Variants in VRK2 observed in about 807,000 individuals in gnomAD.
VRK2 encodes serine/threonine-protein kinase VRK2.
In VRK2, 60 loss-of-function variants were observed where a neutral mutation model predicts 57.6. The ratio of observed to expected loss-of-function variants is 1.04; its 90% confidence interval spans 0.85 to 1.29. The LOEUF (loss-of-function observed/expected upper bound fraction) is 1.29, where lower values mean the gene tolerates loss of function less well. Among genes scored for constraint, VRK2 ranks in the 50% most tolerant of loss-of-function variants. The pLI is 0.00. For missense variants in VRK2, 705 were observed against 588.1 expected (o/e 1.20, Z -2.06); for synonymous variants, 231 against 199.2 (o/e 1.16, Z -1.35).
At chr2:57,997,054 A>T (rs1182651053) in intron 1 of VRK2, among the ~76,000 whole-genome samples, 2 of 152,178 alleles carry the variant, frequency 1.3e-5, no homozygotes, top group East Asian at 3.9e-4. Flanking sequence ...ATATAAAAGA[A>T]AAACAAAAAC....
At chr2:57,929,305 A>C (rs1007143266) in intron 1 of VRK2, among the ~76,000 whole-genome samples, 26 of 151,972 alleles carry the variant, frequency 1.7e-4, no homozygotes, top group Admixed American at 1.7e-3. Flanking sequence ...TCCCCTTTCC[A>C]TAAGCAAAGC....
intron 10 of VRK2, among the ~76,000 whole-genome samples, chr2:58,136,029 A>T (rs1405781529): frequency 6.6e-6 from 1 of 152,144 alleles, no homozygotes; most frequent in East Asian, 1.9e-4. Flanking sequence ...ATGTACACTG[A>T]CCTCTCTAGC....
intron 2 of VRK2, among the ~76,000 whole-genome samples, chr2:58,067,677 A>G (rs1668789644): frequency 6.6e-6 from 1 of 152,002 alleles, no homozygotes; most frequent in African/African-American, 2.4e-5. Context: ...AGATTTTTAA[A>G]TATTGTGGTT....
At chr2:58,152,863 T>C (rs1430292885) in intron 12 of VRK2, among the ~76,000 whole-genome samples, 1 of 151,974 alleles carries the variant, frequency 6.6e-6, no homozygotes, top group Non-Finnish European at 1.5e-5. Context: ...AACCATAATA[T>C]AATTTTACAA....
chr2:58,106,113 T>C (rs942960480), intron 7 of VRK2, among the ~76,000 whole-genome samples: 2 of 152,000 alleles, frequency 1.3e-5, no homozygotes, highest in Non-Finnish European at 2.9e-5. Context: ...TTAATTTTGT[T>C]AATATACACA....
chr2:57,958,437 GTATA>G (rs575284884), intron 1 of VRK2, among the ~76,000 whole-genome samples: 1 of 143,288 alleles, frequency 7.0e-6, no homozygotes, highest in East Asian at 2.0e-4. Flanking sequence ...GTATATACAT[GTATA>G]TATATTTGTA....
chr2:57,977,631 G>A (rs898029279), intron 1 of VRK2, among the ~76,000 whole-genome samples: 3 of 149,344 alleles, frequency 2.0e-5, no homozygotes, highest in African/African-American at 5.2e-5. Flanking sequence ...AGTCTATGAC[G>A]TTTTCTACAT....
intron 1 of VRK2, among the ~76,000 whole-genome samples, chr2:57,996,101 G>A (rs72808494): frequency 0.12 from 18,465 of 152,182 alleles, 1,196 homozygotes; most frequent in East Asian, 0.19. Context: ...TACGGGTGAT[G>A]TGCATAAGTT....
chr2:57,932,727 T>C (rs1670769596), intron 1 of VRK2, among the ~76,000 whole-genome samples: 1 of 152,130 alleles, frequency 6.6e-6, no homozygotes, highest in Non-Finnish European at 1.5e-5. Flanking sequence ...TCTACTAACT[T>C]TGGGCTTAGA....
intron 1 of VRK2, among the ~76,000 whole-genome samples, chr2:57,971,894 A>T (rs561951373): frequency 8.6e-5 from 13 of 152,042 alleles, no homozygotes; most frequent in African/African-American, 3.1e-4. Context: ...TAAGATTTTT[A>T]AAAATTATTA....
chr2:58,137,837 C>G (rs1189033802), intron 10 of VRK2, among the ~76,000 whole-genome samples: 2 of 152,062 alleles, frequency 1.3e-5, no homozygotes, highest in Non-Finnish European at 2.9e-5. Flanking sequence ...TGGCAATATG[C>G]TAGTAAATTT....
intron 4 of VRK2, 109 bp downstream of exon 4, chr2:58,085,059 T>G (rs1392388393): frequency 4.0e-6 from 4 of 1,010,660 alleles, no homozygotes; most frequent in Non-Finnish European, 5.6e-6. Flanking sequence ...CAATAGAAAT[T>G]TTATTGTAAA....
intron 1 of VRK2, among the ~76,000 whole-genome samples, chr2:57,964,336 G>A (rs568455933): frequency 5.3e-5 from 8 of 152,164 alleles, no homozygotes; most frequent in East Asian, 1.9e-4. Context: ...TTCGTTCAGC[G>A]AACATGGATC....
At chr2:58,046,543 T>G, upstream of VRK2, 1 of 985,568 alleles carries the variant, frequency 1.0e-6, no homozygotes, top group South Asian at 4.7e-5. Flanking sequence ...CTGGCGGCGG[T>G]TCTTCGTCCA....
chr2:57,952,987 T>C (rs1187794865), intron 1 of VRK2, among the ~76,000 whole-genome samples: 1 of 152,192 alleles, frequency 6.6e-6, no homozygotes, highest in Non-Finnish European at 1.5e-5. Flanking sequence ...ATGATGCATA[T>C]CTGTTACATT....
chr2:57,945,231 G>T (rs1348552050), intron 1 of VRK2, among the ~76,000 whole-genome samples: 1 of 152,028 alleles, frequency 6.6e-6, no homozygotes, highest in Non-Finnish European at 1.5e-5. Context: ...ATTTATCTTT[G>T]ATATGCTCTA....
chr2:58,138,092 G>A (rs746564047), intron 10 of VRK2, among the ~76,000 whole-genome samples: 1 of 152,126 alleles, frequency 6.6e-6, no homozygotes, highest in Non-Finnish European at 1.5e-5. Flanking sequence ...ACAGTGATTT[G>A]TTCCCAGCAC....
At chr2:58,011,423 G>A (rs139496619) in intron 1 of VRK2, among the ~76,000 whole-genome samples, 57 of 152,234 alleles carry the variant, frequency 3.7e-4, no homozygotes, top group African/African-American at 1.3e-3. Context: ...ACTGCCAGTC[G>A]GAAAGCTTCT....
chr2:57,934,385 T>C (rs7596775), intron 1 of VRK2, among the ~76,000 whole-genome samples: 54,107 of 152,088 alleles, frequency 0.36, 12,797 homozygotes, highest in African/African-American at 0.68. Context: ...GGAAAGTATT[T>C]TTTTCCAACA....
Sources: allele counts gnomAD v4.1 joint callset (sites outside exome capture counted in the v4.1 genomes callset), GRCh38; gene constraint gnomAD v4.1.1; transcripts MANE v1.5; gene names NCBI Gene and HGNC (gene_info 2026-07-23, HGNC 2026-07-21).